RNF24: variants seen among roughly 807,000 people sequenced by gnomAD.
RNF24 encodes the protein ring finger protein 24.
Under a neutral mutation model 20.0 loss-of-function variants are expected in RNF24, and 14 were observed. The observed-to-expected ratio is 0.70, with a 90% CI of 0.46 to 1.10. RNF24 has a LOEUF of 1.10. RNF24 is among the 50% of genes least tolerant of loss of function. The pLI is 0.00. For synonymous variants in RNF24, 45 were observed against 61.1 expected (o/e 0.74, Z 1.23); for missense variants, 124 against 177.6 (o/e 0.70, Z 1.71).
chr20:4,002,622 T>G (rs1211792597), intron 1 of RNF24, among the ~76,000 whole-genome samples: 1 of 152,008 alleles, frequency 6.6e-6, no homozygotes. Flanking sequence ...AACAAAAGGA[T>G]CAATGAAAAA....
At chr20:3,962,433 A>G (rs1272515400) in intron 2 of RNF24, among the ~76,000 whole-genome samples, 1 of 152,210 alleles carries the variant, frequency 6.6e-6, no homozygotes. Context: ...CAAAAAGTGT[A>G]ACACAAAAAT....
intron 1 of RNF24, among the ~76,000 whole-genome samples, chr20:3,993,071 T>C (rs1253723280): frequency 1.3e-5 from 2 of 152,218 alleles, no homozygotes; most frequent in African/African-American, 2.4e-5. Flanking sequence ...GAGAACCTTT[T>C]TTTTCCAAGT....
chr20:3,948,933 T>C (rs906256280), intron 2 of RNF24, among the ~76,000 whole-genome samples: 11 of 152,202 alleles, frequency 7.2e-5, no homozygotes, highest in African/African-American at 2.7e-4. Flanking sequence ...TATAATACCA[T>C]TTATTTATCC....
rs568991547 is a variant in RNF24, at chr20:4,010,895, G to A, written c.-8+4542C>T. Among the ~76,000 whole-genome samples the A allele has an allele frequency of 3.9e-5, 6 of 152,276 alleles. No individual in the cohort carries two copies. The South Asian group carries it at 1.2e-3, about 32-fold the overall frequency. On this transcript the variant is annotated intron_variant, in intron 1 of 5. Coordinates refer to ENST00000358395, the MANE Select transcript of RNF24 (RefSeq NM_001134337.3). ...CAATGCTCAAGATCCAAAACGTTCG[G>A]GGGAGAATTCCTGTCTGCACAGGTT... is the stretch of plus-strand genomic sequence containing the variant.
chr20:4,002,129 T>C (rs1981451189), intron 1 of RNF24, among the ~76,000 whole-genome samples: 1 of 152,116 alleles, frequency 6.6e-6, no homozygotes, highest in Non-Finnish European at 1.5e-5. Context: ...CTCATGCCTG[T>C]AATCCCAGCA....
At position 3,935,200 on chromosome 20, in the gene RNF24, A is replaced by C. The variant is rs1009834726; in HGVS notation, c.229-127T>G. The C allele has an allele frequency of 4.4e-5, 28 of 636,714 alleles. 1 individual carries two copies. The South Asian group carries it at 4.5e-4, about 10-fold the overall frequency. The allele number at this position is 636,714 out of a possible 1,614,324, so 39.4% of individuals were successfully genotyped here. On this transcript the variant is annotated intron_variant, in intron 4 of 5. Coordinates refer to ENST00000358395, the MANE Select transcript of RNF24 (RefSeq NM_001134337.3). ...CATGAGACTCTTATCTTAAAAAAAA[A>C]AGAAATGAATGAATAAATGACTGAA... is the stretch of plus-strand genomic sequence containing the variant.
chr20:4,007,738 C>CA (rs1161702317), intron 1 of RNF24, among the ~76,000 whole-genome samples: 5,246 of 56,148 alleles, frequency 0.093, 366 homozygotes, highest in African/African-American at 0.22. Flanking sequence ...CCTGTCTCTA[C>CA]AAAAAAAAAA....
intron 3 of RNF24, among the ~76,000 whole-genome samples, chr20:3,946,562 G>A (rs1398328826): frequency 5.9e-5 from 9 of 151,686 alleles, no homozygotes; most frequent in East Asian, 3.9e-4. Context: ...GGTGGTGTGC[G>A]CCTGTAGCCC....
chr20:3,950,029 A>G (rs1458100579), intron 2 of RNF24, among the ~76,000 whole-genome samples: 1 of 152,166 alleles, frequency 6.6e-6, no homozygotes, highest in African/African-American at 2.4e-5. Flanking sequence ...ATTTATTGAA[A>G]AGATTCTCCC....
At chr20:3,947,010 G>A (rs1300682143) in intron 3 of RNF24, among the ~76,000 whole-genome samples, 1 of 152,136 alleles carries the variant, frequency 6.6e-6, no homozygotes, top group African/African-American at 2.4e-5. Context: ...GGCCAACATG[G>A]TGAAATCCTG....
chr20:3,970,961 T>A (rs947346413), intron 1 of RNF24, among the ~76,000 whole-genome samples: 3 of 152,138 alleles, frequency 2.0e-5, no homozygotes, highest in Admixed American at 2.0e-4. Flanking sequence ...AATCTGTACA[T>A]AAGTGTACAG....
intron 4 of RNF24, among the ~76,000 whole-genome samples, chr20:3,935,458 C>T (rs2090879296): frequency 6.6e-6 from 1 of 152,228 alleles, no homozygotes; most frequent in Non-Finnish European, 1.5e-5. Flanking sequence ...GTCAGCAGCA[C>T]AGCCTGGCTC....
At chr20:3,945,278 CATT>C in intron 3 of RNF24, 60 bp from the exon 4 acceptor site, 2 of 1,449,996 alleles carry the variant, frequency 1.4e-6, no homozygotes, top group South Asian at 2.5e-5. Flanking sequence ...AAATATTTCT[CATT>C]ATATTCTCAA....
At chr20:3,999,432 C>A (rs1411092497) in intron 1 of RNF24, among the ~76,000 whole-genome samples, 1 of 152,122 alleles carries the variant, frequency 6.6e-6, no homozygotes, top group Non-Finnish European at 1.5e-5. Flanking sequence ...ACTGAAGACT[C>A]ATGAAACACT....
chr20:4,013,514 CTT>C (rs1368577758), intron 1 of RNF24, among the ~76,000 whole-genome samples: 1 of 152,078 alleles, frequency 6.6e-6, no homozygotes, highest in Non-Finnish European at 1.5e-5. Context: ...GAGTTTCGCT[CTT>C]GTTGCCCAGG....
intron 1 of RNF24, among the ~76,000 whole-genome samples, chr20:3,999,424 T>C (rs986591567): frequency 1.3e-5 from 2 of 152,212 alleles, no homozygotes; most frequent in Admixed American, 1.3e-4. Flanking sequence ...CATTTGTGAC[T>C]GAAGACTCAT....
rs1053338080 is a variant in RNF24 at position 3,979,050 on chromosome 20, C to T, written c.-7-15026G>A. Among the ~76,000 whole-genome samples, 4 of 149,292 alleles carry T rather than the reference C, an allele frequency of 2.7e-5. No homozygotes were observed. The East Asian group carries it at 5.9e-4, about 22-fold the overall frequency. ...CGGAGGGTGCAGTGAGCCAAGATCG[C>T]GCCACTGCACTCAAGCCTAGGCAAA... On this transcript the variant is annotated intron_variant, in intron 1 of 5. Transcript: ENST00000358395.
chr20:3,968,393 G>A (rs564534178), intron 1 of RNF24, among the ~76,000 whole-genome samples: 2 of 152,278 alleles, frequency 1.3e-5, no homozygotes, highest in South Asian at 2.1e-4. Context: ...AGGACTGCTC[G>A]AGGCCAGGGA....
intron 1 of RNF24, among the ~76,000 whole-genome samples, chr20:3,995,933 GCT>G (rs1188607480): frequency 6.6e-6 from 1 of 151,922 alleles, no homozygotes; most frequent in African/African-American, 2.4e-5. Flanking sequence ...AGCCCTGAAA[GCT>G]CTCTTTCCTT....
Sources: allele counts gnomAD v4.1 joint callset (sites outside exome capture counted in the v4.1 genomes callset), GRCh38; gene constraint gnomAD v4.1.1; transcripts MANE v1.5; gene names NCBI Gene and HGNC (gene_info 2026-07-23, HGNC 2026-07-21).